Variants in AUTS2 observed in about 807,000 individuals in gnomAD.
AUTS2 encodes the protein activator of transcription and developmental regulator AUTS2.
Under a neutral mutation model 112.4 loss-of-function variants are expected in AUTS2, and 17 were observed. The observed-to-expected ratio is 0.15, with a 90% CI of 0.10 to 0.23. The LOEUF (loss-of-function observed/expected upper bound fraction) is 0.23. AUTS2 is among the 10% of genes least tolerant of loss of function. The probability of loss-of-function intolerance (pLI) is 1.00; values close to 1 mark genes in which losing one functional copy is unlikely to be tolerated. For missense variants in AUTS2, 1,510 were observed against 1,701.6 expected (o/e 0.89, Z 1.98); for synonymous variants, 751 against 702.7 (o/e 1.07, Z -1.09).
intron 1 of AUTS2, among the ~76,000 whole-genome samples, chr7:69,863,566 G>A (rs1793085807): frequency 6.6e-6 from 1 of 152,186 alleles, no homozygotes; most frequent in African/African-American, 2.4e-5. Context: ...GATTCTCATA[G>A]TCTCCAAAAG....
chr7:70,109,190 A>G (rs937680352), intron 2 of AUTS2, among the ~76,000 whole-genome samples: 5 of 152,238 alleles, frequency 3.3e-5, no homozygotes, highest in African/African-American at 1.2e-4. Context: ...ATAAAAAGTA[A>G]GTTTTGTGTG....
chr7:69,973,142 C>T (rs1158996697), intron 2 of AUTS2, among the ~76,000 whole-genome samples: 1 of 152,050 alleles, frequency 6.6e-6, no homozygotes, highest in African/African-American at 2.4e-5. Flanking sequence ...TAGTTTTCAG[C>T]ATACAAGTCC....
intron 4 of AUTS2, among the ~76,000 whole-genome samples, chr7:70,179,285 C>G (rs750976853): frequency 1.3e-5 from 2 of 152,140 alleles, no homozygotes; most frequent in African/African-American, 2.4e-5. Flanking sequence ...AAATCTTTTC[C>G]TTTTTGTTTT....
intron 1 of AUTS2, among the ~76,000 whole-genome samples, chr7:69,617,078 T>C (rs980460540): frequency 2.6e-5 from 4 of 152,072 alleles, no homozygotes; most frequent in African/African-American, 9.7e-5. Context: ...ATATATAATA[T>C]GTTGGGAGGT....
At chr7:70,526,681 A>T (rs940519851) in intron 5 of AUTS2, among the ~76,000 whole-genome samples, 1 of 152,060 alleles carries the variant, frequency 6.6e-6, no homozygotes, top group Admixed American at 6.6e-5. Flanking sequence ...AAAATAAAAA[A>T]TCCTGCTTCT....
At chr7:70,787,464 G>C (rs1436711959) in intron 18 of AUTS2, 33 bp downstream of exon 18, 1 of 1,492,924 alleles carries the variant, frequency 6.7e-7, no homozygotes, top group Non-Finnish European at 9.2e-7. Context: ...AGTCCCCACG[G>C]GGGAGCCTGC....
chr7:69,651,774 G>C (rs1795299897), intron 1 of AUTS2, among the ~76,000 whole-genome samples: 1 of 152,158 alleles, frequency 6.6e-6, no homozygotes. Context: ...CATTCAATTA[G>C]AATTTAAGTG....
chr7:70,704,565 T>C lies in AUTS2; in HGVS notation c.742+5945T>C, dbSNP rs146709423. On this transcript the variant is annotated intron_variant, in intron 6 of 18. Coordinates refer to ENST00000342771, the MANE Select transcript of AUTS2 (RefSeq NM_015570.4). The stretch of plus-strand genomic sequence containing the variant: ...TCTTCAATCCATTCATATTTAGCGT[T>C]TTGTGTAGTTAATGATGTAGTTAGT... Among the ~76,000 whole-genome samples, 545 of 152,332 alleles carry C rather than the reference T, an allele frequency of 3.6e-3. 4 individuals carry two copies. The highest frequency in any genetic ancestry group is 0.012 in the African/African-American group (511 of 41,586).
At chr7:70,316,022 G>A (rs564504706) in intron 4 of AUTS2, among the ~76,000 whole-genome samples, 3 of 152,288 alleles carry the variant, frequency 2.0e-5, no homozygotes, top group African/African-American at 7.2e-5. Flanking sequence ...CTCAGGGGTA[G>A]AAAGGCAAAA....
intron 4 of AUTS2, among the ~76,000 whole-genome samples, chr7:70,409,327 TAGTA>T (rs1794676822): frequency 6.6e-6 from 1 of 151,548 alleles, no homozygotes; most frequent in Non-Finnish European, 1.5e-5. Flanking sequence ...CTTGGTGTAT[TAGTA>T]TATATATATA....
intron 5 of AUTS2, among the ~76,000 whole-genome samples, chr7:70,646,020 A>T (rs1806141327): frequency 3.3e-5 from 5 of 152,176 alleles, no homozygotes; most frequent in Admixed American, 3.3e-4. Context: ...TAGCGAGGCG[A>T]TAATGAACTT....
At chr7:69,626,939 AT>A (rs1448064756) in intron 1 of AUTS2, among the ~76,000 whole-genome samples, 1 of 152,256 alleles carries the variant, frequency 6.6e-6, no homozygotes, top group Non-Finnish European at 1.5e-5. Context: ...AGAAAATAAG[AT>A]TAGTTTTGTT....
chr7:69,804,845 A>G (rs889522153), intron 1 of AUTS2, among the ~76,000 whole-genome samples: 2 of 152,232 alleles, frequency 1.3e-5, no homozygotes, highest in Non-Finnish European at 2.9e-5. Flanking sequence ...TGCAATGCAG[A>G]TTTCCAAGGC....
At chr7:69,736,973 C>T (rs1203976443) in intron 1 of AUTS2, among the ~76,000 whole-genome samples, 2 of 152,080 alleles carry the variant, frequency 1.3e-5, no homozygotes, top group African/African-American at 4.8e-5. Context: ...TTAAAAAAAT[C>T]CAGATTTAGG....
rs563998269 is a variant in AUTS2, at chr7:69,769,338, G to C, written c.310-129948G>C. Among the ~76,000 whole-genome samples, 56 of 152,170 alleles carry C rather than the reference G, an allele frequency of 3.7e-4. 1 individual carries two copies. The highest frequency in any genetic ancestry group is 2.1e-4 in the Non-Finnish European group (14 of 68,024). On this transcript the variant is annotated intron_variant, in intron 1 of 18. Coordinates refer to ENST00000342771, the MANE Select transcript of AUTS2 (RefSeq NM_015570.4). The stretch of plus-strand genomic sequence containing the variant: ...TCTTAGTGTGTACACAGTGTCACTG[G>C]AATTTCTTTCCTTGCTCTATGGGAA...
chr7:70,781,029 A>AATAGGATAT (rs1329103995), intron 14 of AUTS2, among the ~76,000 whole-genome samples: 64 of 152,288 alleles, frequency 4.2e-4, no homozygotes, highest in African/African-American at 1.3e-3. Context: ...AGTCTCCATA[A>AATAGGATAT]ATAGGATATG....
At chr7:70,644,204 A>C (rs1292185052) in intron 5 of AUTS2, among the ~76,000 whole-genome samples, 2 of 152,186 alleles carry the variant, frequency 1.3e-5, no homozygotes, top group Non-Finnish European at 2.9e-5. Flanking sequence ...GAGGGAACAA[A>C]CAAAGAATAA....
At chr7:69,751,247 C>T (rs543353948) in intron 1 of AUTS2, among the ~76,000 whole-genome samples, 1 of 152,280 alleles carries the variant, frequency 6.6e-6, no homozygotes, top group East Asian at 1.9e-4. Flanking sequence ...CCTAATTGGC[C>T]ACCCAGGGTC....
At chr7:70,302,667 T>A (rs1789273775) in intron 4 of AUTS2, among the ~76,000 whole-genome samples, 1 of 151,974 alleles carries the variant, frequency 6.6e-6, no homozygotes, top group South Asian at 2.1e-4. Flanking sequence ...CCAGCTTGCA[T>A]TAGTGTGTTG....
Sources: allele counts gnomAD v4.1 joint callset (sites outside exome capture counted in the v4.1 genomes callset), GRCh38; gene constraint gnomAD v4.1.1; transcripts MANE v1.5; gene names NCBI Gene and HGNC (gene_info 2026-07-23, HGNC 2026-07-21).